The following ANKS3 variants were observed in gnomAD, a reference collection of about 807,000 sequenced individuals.
The protein encoded by ANKS3 is ankyrin repeat and SAM domain-containing protein 3.
In ANKS3, 62 loss-of-function variants were observed where a neutral mutation model predicts 80.7. That is an observed-to-expected ratio of 0.77 (90% CI 0.63 to 0.95). The LOEUF is 0.95. Ranked by LOEUF, ANKS3 falls within the 40% of genes least tolerant of loss-of-function variation. ANKS3 has a pLI of 0.00. For missense variants in ANKS3, 1,150 were observed against 883.6 expected (o/e 1.30, Z -3.82); for synonymous variants, 489 against 355.3 (o/e 1.38, Z -4.23).
At chr16:4,714,765 G>C (rs899069090) in intron 6 of ANKS3, among the ~76,000 whole-genome samples, 1 of 151,934 alleles carries the variant, frequency 6.6e-6, no homozygotes, top group Admixed American at 6.6e-5. Context: ...AGGCCGAGGT[G>C]GGCAGATCAC....
intron 7 of ANKS3, among the ~76,000 whole-genome samples, chr16:4,705,673 T>G (rs112561616): frequency 0.045 from 6,804 of 151,992 alleles, 490 homozygotes; most frequent in African/African-American, 0.16. Context: ...TTTTGCCATG[T>G]TGGCCAGGCT....
At chr16:4,713,441 A>G (rs1449477025) in intron 7 of ANKS3, among the ~76,000 whole-genome samples, 8 of 152,134 alleles carry the variant, frequency 5.3e-5, no homozygotes. Context: ...TAATACCCTG[A>G]GAGTTGGGGG....
At chr16:4,708,724 G>C (rs988997831) in intron 7 of ANKS3, among the ~76,000 whole-genome samples, 9 of 151,848 alleles carry the variant, frequency 5.9e-5, no homozygotes, top group African/African-American at 1.7e-4. Flanking sequence ...CACGAGGTGA[G>C]GAGATCGAGA....
At chr16:4,704,524 GC>G (rs1293863026) in intron 8 of ANKS3, among the ~76,000 whole-genome samples, 5 of 152,166 alleles carry the variant, frequency 3.3e-5, no homozygotes, top group Non-Finnish European at 7.3e-5. Context: ...CTCCCCAAGA[GC>G]AAAACGCTCA....
chr16:4,716,085 C>G lies in ANKS3; in HGVS notation c.574-1899G>C, dbSNP rs139090679. On this transcript the variant is annotated intron_variant, in intron 6 of 17. Transcript: ENST00000304283. Reference sequence around the variant, plus strand: ...AAGAGAAAAAAGGCACAGCCAGGCGCCGTGGCTCATGCCTGTAATCCCAGC... The same window carrying G: ...AAGAGAAAAAAGGCACAGCCAGGCGGCGTGGCTCATGCCTGTAATCCCAGC... Among the ~76,000 whole-genome samples the G allele has an allele frequency of 9.6e-3, 1,453 of 152,034 alleles. 10 individuals are homozygous for G. Among genetic ancestry groups the G allele is most frequent in the Non-Finnish European group, 0.014 (953 of 67,970 alleles).
intron 3 of ANKS3, 69 bp downstream of exon 3, chr16:4,729,911 C>T (rs1175548125): frequency 3.5e-5 from 47 of 1,356,972 alleles, no homozygotes; most frequent in Non-Finnish European, 4.4e-5. Context: ...TGCAAAGCCC[C>T]ATCACGTGGG....
intron 1 of ANKS3, among the ~76,000 whole-genome samples, chr16:4,733,639 AAC>A (rs1322862487): frequency 6.6e-6 from 1 of 152,170 alleles, no homozygotes; most frequent in Non-Finnish European, 1.5e-5. Context: ...TATTGTTTGT[AAC>A]ACAAAGGATA....
At chr16:4,704,948 C>G in intron 8 of ANKS3, 147 bp downstream of exon 8, 5 of 1,046,854 alleles carry the variant, frequency 4.8e-6, no homozygotes, top group Non-Finnish European at 5.6e-6. Flanking sequence ...CTGAGTCTCC[C>G]TGAGCATGAA....
intron 6 of ANKS3, among the ~76,000 whole-genome samples, chr16:4,715,221 G>C (rs951572981): frequency 7.2e-5 from 11 of 151,932 alleles, no homozygotes; most frequent in Middle Eastern, 3.4e-3. Flanking sequence ...CAGGTGGATC[G>C]CTCGGCTCAG....
chr16:4,697,603 G>A (rs1290457642), intron 15 of ANKS3, among the ~76,000 whole-genome samples, 187 bp from the exon 16 acceptor site: 1 of 151,720 alleles, frequency 6.6e-6, no homozygotes, highest in Non-Finnish European at 1.5e-5. Flanking sequence ...CCCACAGGCT[G>A]AGCAAACACT....
chr16:4,703,905 T>G (rs1013437419), intron 8 of ANKS3, among the ~76,000 whole-genome samples: 1 of 152,232 alleles, frequency 6.6e-6, no homozygotes, highest in Non-Finnish European at 1.5e-5. Context: ...GCATTTGTTG[T>G]ACAGCTATAT....
intron 7 of ANKS3, among the ~76,000 whole-genome samples, chr16:4,706,312 G>C (rs933263209): frequency 6.6e-6 from 1 of 151,698 alleles, no homozygotes; most frequent in East Asian, 2.0e-4. Context: ...CTCACTGCAA[G>C]CTCCACCTCC....
At chr16:4,732,908 T>C (rs1050602593) in intron 1 of ANKS3, among the ~76,000 whole-genome samples, 2 of 152,132 alleles carry the variant, frequency 1.3e-5, no homozygotes, top group African/African-American at 4.8e-5. Flanking sequence ...AATGAGATCC[T>C]ATCATTTGCA....
intron 6 of ANKS3, chr16:4,717,469 G>C (rs981708734): frequency 6.6e-6 from 1 of 151,888 alleles, no homozygotes; most frequent in East Asian, 1.9e-4. Context: ...TCGGGAGGCT[G>C]AGGCAGGAGA....
chr16:4,732,597 G>A (rs1029123051), intron 1 of ANKS3, among the ~76,000 whole-genome samples: 3 of 145,920 alleles, frequency 2.1e-5, no homozygotes, highest in Non-Finnish European at 4.5e-5. Context: ...CAAGAGAATC[G>A]CTTGAGCCTG....
At chr16:4,726,857 G>C (rs2081380107) in intron 4 of ANKS3, 77 bp from the exon 5 acceptor site, 1 of 1,596,764 alleles carries the variant, frequency 6.3e-7, no homozygotes, top group South Asian at 1.1e-5. Context: ...CGGCCATGCT[G>C]CAAGAATCAG....
intron 11 of ANKS3, chr16:4,699,532 G>A: frequency 3.8e-6 from 1 of 265,564 alleles, no homozygotes; most frequent in South Asian, 5.1e-5. Flanking sequence ...AGTGTCGGAT[G>A]TTCTGATTTC....
intron 16 of ANKS3, 52 bp downstream of exon 16, chr16:4,697,281 C>A: frequency 6.4e-7 from 1 of 1,558,600 alleles, no homozygotes; most frequent in Non-Finnish European, 8.8e-7. Context: ...GGTCCCTTTG[C>A]CTCCCTCGGA....
At chr16:4,711,653 G>C (rs2080490513) in intron 7 of ANKS3, among the ~76,000 whole-genome samples, 1 of 151,088 alleles carries the variant, frequency 6.6e-6, no homozygotes, top group Non-Finnish European at 1.5e-5. Flanking sequence ...GGGAGGCAGA[G>C]GTTGCGGTGA....
Sources: allele counts gnomAD v4.1 joint callset (sites outside exome capture counted in the v4.1 genomes callset), GRCh38; gene constraint gnomAD v4.1.1; transcripts MANE v1.5; gene names NCBI Gene and HGNC (gene_info 2026-07-23, HGNC 2026-07-21).